BCHE: variants seen among roughly 807,000 people sequenced by gnomAD.
BCHE encodes the protein cholinesterase.
A neutral mutation model predicts 51.3 loss-of-function variants in BCHE; 48 were observed. The ratio of observed to expected loss-of-function variants is 0.94; its 90% CI spans 0.74 to 1.19. The LOEUF (loss-of-function observed/expected upper bound fraction) is 1.19. Among genes scored for constraint, BCHE ranks in the 50% most tolerant of loss-of-function variants. The pLI, the probability that BCHE is intolerant of heterozygous loss-of-function variation, is 0.00. For synonymous variants in BCHE, 251 were observed against 238.0 expected, an observed-to-expected ratio of 1.05 and a Z score of -0.50; for missense variants, 847 against 708.2, an observed-to-expected ratio of 1.20 and a Z score of -2.23.
At chr3:165,788,361 T>C (rs1334451743) in intron 2 of BCHE, among the ~76,000 whole-genome samples, 2 of 152,096 alleles carry the variant, frequency 1.3e-5, no homozygotes, top group African/African-American at 4.8e-5. Context: ...TTGGATAATT[T>C]AATAAGAATT....
chr3:165,799,029 C>T (rs577906174), intron 2 of BCHE, among the ~76,000 whole-genome samples: 5 of 152,174 alleles, frequency 3.3e-5, no homozygotes, highest in African/African-American at 9.6e-5. Context: ...AGCTCATCTC[C>T]TTATTTCTTT....
intron 2 of BCHE, among the ~76,000 whole-genome samples, chr3:165,822,495 G>T (rs908223882): frequency 1.3e-5 from 2 of 151,886 alleles, no homozygotes; most frequent in African/African-American, 4.8e-5. Context: ...CCATTTTACA[G>T]ATAAGAAAAA....
intron 2 of BCHE, chr3:165,827,971 A>T: frequency 2.3e-6 from 1 of 439,536 alleles, no homozygotes; most frequent in South Asian, 1.6e-5. Context: ...AATATTTGTT[A>T]AATATGATAC....
At chr3:165,824,568 C>T (rs555822818) in intron 2 of BCHE, among the ~76,000 whole-genome samples, 35 of 151,884 alleles carry the variant, frequency 2.3e-4, no homozygotes, top group East Asian at 9.7e-4. Context: ...ATCAAGAAAA[C>T]GATAGATATA....
At position 165,830,478 on chromosome 3, in the gene BCHE, C is replaced by T; in HGVS notation, c.556G>A (p.Gly186Arg). 1.9e-6 allele frequency: 3 copies of T among 1,613,710 alleles called. No individual in the cohort carries two copies. The highest frequency in any genetic ancestry group is 2.5e-6 in the Non-Finnish European group (3 of 1,179,846). ...ATGTTCCCTGGAGCCTCAGGATTTC[C>T]TGGCAAAGCTAAGAATCCTAGGGCA... is the stretch of plus-strand genomic sequence containing the variant. ...VGALGFLALP[G>R]NPEAPGNMGL... Residue 186 changes from glycine to arginine, a missense_variant, in exon 2 of 4, where the codon GGA becomes AGA. By Grantham distance (125) the Gly-to-Arg change is moderately radical. Coordinates refer to ENST00000264381, the MANE Select transcript of BCHE (RefSeq NM_000055.4).
intron 2 of BCHE, among the ~76,000 whole-genome samples, chr3:165,819,366 C>T (rs1337070896): frequency 2.6e-5 from 4 of 151,970 alleles, no homozygotes; most frequent in Non-Finnish European, 2.9e-5. Context: ...GCATGAGCCA[C>T]CATGCCTGGC....
At chr3:165,777,840 C>T (rs1712532330) in intron 3 of BCHE, 4 of 428,724 alleles carry the variant, frequency 9.3e-6, no homozygotes, top group South Asian at 6.6e-5. Context: ...TTGTGATGAT[C>T]AACTTCCACT....
chr3:165,819,723 T>C (rs183195364), intron 2 of BCHE, among the ~76,000 whole-genome samples: 2 of 115,182 alleles, frequency 1.7e-5, no homozygotes, highest in Admixed American at 1.0e-4. Flanking sequence ...GTTTCTGTTC[T>C]TATGTTTTTG....
At chr3:165,812,454 A>G (rs1431759588) in intron 2 of BCHE, among the ~76,000 whole-genome samples, 2 of 151,982 alleles carry the variant, frequency 1.3e-5, no homozygotes, top group African/African-American at 4.8e-5. Flanking sequence ...CACATAGGGA[A>G]ACAATAAAAT....
intron 2 of BCHE, among the ~76,000 whole-genome samples, chr3:165,818,295 C>T (rs1576862704): frequency 6.6e-6 from 1 of 151,692 alleles, no homozygotes; most frequent in East Asian, 1.9e-4. Flanking sequence ...TAAAGTTTAC[C>T]TAGTACACTG....
At chr3:165,825,652 T>C (rs1343424518) in intron 2 of BCHE, among the ~76,000 whole-genome samples, 1 of 152,008 alleles carries the variant, frequency 6.6e-6, no homozygotes, top group Non-Finnish European at 1.5e-5. Flanking sequence ...GCTGCACCCA[T>C]TAACTCGTCA....
chr3:165,784,244 T>C (rs1712818740), intron 3 of BCHE, among the ~76,000 whole-genome samples: 1 of 151,856 alleles, frequency 6.6e-6, no homozygotes. Flanking sequence ...GGCAAGAACA[T>C]GGGCCCTTAA....
chr3:165,833,857 G>C (rs182678897), intron 1 of BCHE, among the ~76,000 whole-genome samples: 1 of 151,942 alleles, frequency 6.6e-6, no homozygotes, highest in African/African-American at 2.4e-5. Context: ...CTGATTGGGC[G>C]GTTCGTTCTA....
rs1279484125 is a variant in BCHE, at chr3:165,773,387, G to A, written c.1804C>T (p.Leu602Phe). 3 of 1,610,576 alleles carry A rather than the reference G, an allele frequency of 1.9e-6. No individual in the cohort carries two copies. The highest frequency in any genetic ancestry group is 1.1e-5 in the South Asian group (1 of 90,896). ...ATAAAGGGTAAATCTATTAATTAGA[G>A]ACCCACACAACTTTCTTTCTTGCTA... Reference protein sequence around the residue: ...YTSKKESCVGL With the variant: ...YTSKKESCVGF The change falls in exon 4 of 4, where the codon CTC becomes TTC. Residue 602 changes from leucine to phenylalanine, a missense_variant. Physicochemically the swap from Leu to Phe is conservative, Grantham distance 22. Transcript: ENST00000264381.
intron 2 of BCHE, among the ~76,000 whole-genome samples, chr3:165,821,410 AT>A (rs1714510660): frequency 6.6e-6 from 1 of 151,742 alleles, no homozygotes; most frequent in Admixed American, 6.6e-5. Context: ...TTCTGTTGTC[AT>A]TTAAAAACAT....
intron 2 of BCHE, among the ~76,000 whole-genome samples, chr3:165,824,782 T>TA (rs1453044477): frequency 6.6e-6 from 1 of 151,958 alleles, no homozygotes; most frequent in Non-Finnish European, 1.5e-5. Context: ...TAAATTTAGT[T>TA]AAATATATCC....
At chr3:165,816,395 C>T (rs1576861267) in intron 2 of BCHE, among the ~76,000 whole-genome samples, 1 of 151,918 alleles carries the variant, frequency 6.6e-6, no homozygotes, top group African/African-American at 2.4e-5. Context: ...GCAATATTCC[C>T]CATGAAAAAG....
rs998081110 is a variant in BCHE at position 165,777,900 on chromosome 3, A to C, written c.1685-4394T>G. 13 of 301,448 alleles carry C rather than the reference A, an allele frequency of 4.3e-5. No homozygotes were observed. In the East Asian group the frequency reaches 1.2e-3, roughly 28 times the overall value. The allele number at this position is 301,448 out of a possible 1,614,324, so 18.7% of individuals were successfully genotyped here. Reference sequence around the variant, plus strand: ...CTCTTATGATTTTCATTTTCTTTACACTAGCTTACTTTATTATAATAATAT... The same window carrying C: ...CTCTTATGATTTTCATTTTCTTTACCCTAGCTTACTTTATTATAATAATAT... On this transcript the variant is annotated intron_variant, in intron 3 of 3. Coordinates refer to ENST00000264381, the MANE Select transcript of BCHE (RefSeq NM_000055.4).
intron 3 of BCHE, among the ~76,000 whole-genome samples, chr3:165,775,634 A>G (rs1559999781): frequency 6.6e-6 from 1 of 151,706 alleles, no homozygotes; most frequent in Non-Finnish European, 1.5e-5. Flanking sequence ...TTTTTTATTC[A>G]TGGAATAATA....
Sources: allele counts gnomAD v4.1 joint callset (sites outside exome capture counted in the v4.1 genomes callset), GRCh38; gene constraint gnomAD v4.1.1; transcripts MANE v1.5; gene names NCBI Gene and HGNC (gene_info 2026-07-23, HGNC 2026-07-21).